The following MIR2052HG variants were observed in gnomAD, a reference collection of about 807,000 sequenced individuals.
MIR2052HG encodes the protein MIR2052 host gene.
chr8:74,744,703 A>T (rs1809866515), intron 4 of MIR2052HG, among the ~76,000 whole-genome samples: 1 of 152,054 alleles, frequency 6.6e-6, no homozygotes. Context: ...TATGTGCCAC[A>T]TTTTCTTAAT....
At chr8:74,625,085 G>A (rs905104339) in intron 2 of MIR2052HG, among the ~76,000 whole-genome samples, 1 of 151,708 alleles carries the variant, frequency 6.6e-6, no homozygotes, top group African/African-American at 2.4e-5. Flanking sequence ...TTGAGACAGG[G>A]TCTTGCTCTG....
At chr8:74,685,001 A>G (rs1863357) in intron 2 of MIR2052HG, among the ~76,000 whole-genome samples, 36,795 of 151,944 alleles carry the variant, frequency 0.24, 5,475 homozygotes, top group East Asian at 0.65. Context: ...GTCAGCTTTC[A>G]GCAACTTGCT....
At chr8:74,730,361 G>T (rs1361064392) in intron 4 of MIR2052HG, among the ~76,000 whole-genome samples, 1 of 152,064 alleles carries the variant, frequency 6.6e-6, no homozygotes, top group Non-Finnish European at 1.5e-5. Flanking sequence ...TACAAACCAG[G>T]TTTTCTCATG....
intron 4 of MIR2052HG, among the ~76,000 whole-genome samples, chr8:74,710,059 A>G (rs183239289): frequency 3.2e-4 from 48 of 152,266 alleles, no homozygotes; most frequent in African/African-American, 1.1e-3. Context: ...CAAATCCTCT[A>G]TGTTCATAAT....
chr8:74,647,513 C>G (rs1808702026), intron 2 of MIR2052HG, among the ~76,000 whole-genome samples: 1 of 152,082 alleles, frequency 6.6e-6, no homozygotes, highest in Admixed American at 6.5e-5. Flanking sequence ...AAACATTTCT[C>G]TCTTATAAGT....
intron 1 of MIR2052HG, among the ~76,000 whole-genome samples, chr8:74,600,395 C>G (rs1807978315): frequency 6.6e-6 from 1 of 151,022 alleles, no homozygotes. Flanking sequence ...GACTAGCTGA[C>G]CAACATGGAG....
intron 2 of MIR2052HG, among the ~76,000 whole-genome samples, chr8:74,639,832 T>A (rs1808620077): frequency 6.6e-6 from 1 of 152,076 alleles, no homozygotes; most frequent in African/African-American, 2.4e-5. Context: ...TTTATCAAAG[T>A]CCCCAGTAAG....
Position 74,695,640 on chromosome 8 carries a change from A to G in MIR2052HG, n.217-6739A>G, listed in dbSNP as rs545949610. On this transcript the variant is annotated intron_variant and non_coding_transcript_variant, in intron 2 of 6. Coordinates refer to ENST00000523442, the Ensembl canonical transcript of MIR2052HG. ...ATGTTATTCCATGCAAATGGACACC[A>G]AAAGTGAGCAGGAGTAGCTATTCTT... Among the ~76,000 whole-genome samples the G allele has an allele frequency of 1.9e-3, 295 of 152,256 alleles. 2 individuals carry two copies. The highest frequency in any genetic ancestry group is 6.3e-3 in the African/African-American group (262 of 41,566).
chr8:74,754,968 C>T (rs547404452), intron 5 of MIR2052HG, among the ~76,000 whole-genome samples: 8 of 152,228 alleles, frequency 5.3e-5, no homozygotes, highest in South Asian at 2.1e-4. Flanking sequence ...TGTCCCAGTA[C>T]GACATGTTGT....
chr8:74,699,582 G>A (rs898693491), intron 2 of MIR2052HG, among the ~76,000 whole-genome samples: 17 of 152,046 alleles, frequency 1.1e-4, no homozygotes, highest in Non-Finnish European at 2.4e-4. Flanking sequence ...TGGGAGCTAA[G>A]CTATGAGGAT....
intron 1 of MIR2052HG, among the ~76,000 whole-genome samples, chr8:74,602,817 G>GTTTCTTTCTTTCTTTCT (rs1808024026): frequency 4.1e-5 from 3 of 73,786 alleles, no homozygotes; most frequent in African/African-American, 6.3e-5. Context: ...GCCCGGCCGT[G>GTTTCTTTCTTTCTTTCT]TTTCTTTCTT....
chr8:74,604,019 T>C (rs1242591539), intron 1 of MIR2052HG: 1 of 973,690 alleles, frequency 1.0e-6, no homozygotes, highest in Non-Finnish European at 1.7e-6. Flanking sequence ...AGTTTGTCAA[T>C]GATCATAGCA....
At chr8:74,709,581 TG>T (rs1809446660) in intron 4 of MIR2052HG, among the ~76,000 whole-genome samples, 1 of 152,164 alleles carries the variant, frequency 6.6e-6, no homozygotes, top group African/African-American at 2.4e-5. Context: ...ATTTCTTCAT[TG>T]GGGCAATATC....
intron 1 of MIR2052HG, among the ~76,000 whole-genome samples, chr8:74,608,210 A>G (rs1808140277): frequency 6.6e-6 from 1 of 150,892 alleles, no homozygotes; most frequent in Non-Finnish European, 1.5e-5. Context: ...AGAGCTTCTA[A>G]GCACATAATT....
chr8:74,605,777 G>A (rs56125322), intron 1 of MIR2052HG, among the ~76,000 whole-genome samples: 9,634 of 144,108 alleles, frequency 0.067, 369 homozygotes, highest in South Asian at 0.099. Context: ...CTAAAGAACT[G>A]GAAATGATAA....
At chr8:74,605,252 A>T (rs1808094749) in intron 1 of MIR2052HG, among the ~76,000 whole-genome samples, 1 of 152,174 alleles carries the variant, frequency 6.6e-6, no homozygotes, top group Non-Finnish European at 1.5e-5. Context: ...TTTTAATACT[A>T]ATTAGCTGTG....
intron 2 of MIR2052HG, among the ~76,000 whole-genome samples, chr8:74,687,643 G>A (rs961982722): frequency 3.9e-5 from 6 of 152,096 alleles, no homozygotes; most frequent in Admixed American, 6.6e-5. Context: ...AAAACTTACA[G>A]AGGCAGAGAA....
intron 2 of MIR2052HG, among the ~76,000 whole-genome samples, chr8:74,663,086 G>T (rs1321965727): frequency 6.6e-6 from 1 of 151,978 alleles, no homozygotes; most frequent in Non-Finnish European, 1.5e-5. Context: ...ATCTATGTTT[G>T]TTGACCATAA....
intron 2 of MIR2052HG, among the ~76,000 whole-genome samples, chr8:74,667,472 A>G (rs1586908347): frequency 6.6e-6 from 1 of 152,302 alleles, no homozygotes; most frequent in East Asian, 1.9e-4. Context: ...ATATGGCATT[A>G]TTTTTACATT....
Sources: gnomAD v4.1 joint callset for allele counts (sites outside exome capture counted in the v4.1 genomes callset) on GRCh38, gnomAD v4.1.1 for gene constraint, MANE v1.5 for transcripts, NCBI Gene and HGNC (gene_info 2026-07-23, HGNC 2026-07-21) for gene names.